The following ESR1 variants were observed in gnomAD, a reference collection of about 807,000 sequenced individuals.
The protein encoded by ESR1 is estrogen receptor 1.
Under a neutral mutation model 52.7 loss-of-function variants are expected in ESR1, and 12 were observed. That is an observed-to-expected ratio of 0.23 (90% CI 0.15 to 0.37). The LOEUF (loss-of-function observed/expected upper bound fraction) is 0.37, where lower values mean the gene tolerates loss of function less well. Among genes scored for constraint, ESR1 ranks in the 10% least tolerant of loss-of-function variants. ESR1 has a pLI of 1.00. For missense variants in ESR1, 584 were observed against 779.7 expected (o/e 0.75, Z 2.99); for synonymous variants, 305 against 316.8 (o/e 0.96, Z 0.39).
chr6:151,866,869 TAG>T (rs564947983), intron 2 of ESR1, among the ~76,000 whole-genome samples: 115 of 152,278 alleles, frequency 7.6e-4, no homozygotes, highest in African/African-American at 2.5e-3. Flanking sequence ...GGTCAAATAC[TAG>T]AAGGCTACAG....
Position 151,925,591 on chromosome 6 carries a change from G to A in ESR1, c.761-18582G>A, listed in dbSNP as rs560972264. On this transcript the variant is annotated intron_variant, in intron 3 of 7. Transcript: ENST00000206249. ...CATTGCACTCCAGTCTGGGCAACAA[G>A]AATGAAACTCCATCTCAAAATACAT... Among the ~76,000 whole-genome samples, 13 of 152,242 alleles carry A rather than the reference G, an allele frequency of 8.5e-5. No individual in the cohort carries two copies. In the East Asian group the frequency reaches 2.5e-3, roughly 29 times the overall value.
intron 4 of ESR1, among the ~76,000 whole-genome samples, chr6:151,989,678 T>C (rs1376579510): frequency 6.6e-6 from 1 of 152,086 alleles, no homozygotes; most frequent in African/African-American, 2.4e-5. Context: ...TATTATGACA[T>C]TGTTGTCCTC....
At chr6:151,779,434 A>G (rs1786318812) in intron 2 of ESR1, among the ~76,000 whole-genome samples, 2 of 152,230 alleles carry the variant, frequency 1.3e-5, no homozygotes. Context: ...AAACCTCATT[A>G]TCACTGGTCA....
chr6:152,064,055 C>G (rs908132666), intron 6 of ESR1, among the ~76,000 whole-genome samples: 11 of 152,228 alleles, frequency 7.2e-5, no homozygotes, highest in African/African-American at 2.7e-4. Context: ...GTCATCATTT[C>G]TGCCCCATTT....
intron 2 of ESR1, among the ~76,000 whole-genome samples, chr6:151,755,110 T>G (rs1784180294): frequency 6.6e-6 from 1 of 151,766 alleles, no homozygotes; most frequent in Non-Finnish European, 1.5e-5. Flanking sequence ...CTGGGGAGGC[T>G]GAGGCGGGAG....
chr6:151,967,189 T>C (rs1470530385), intron 4 of ESR1, among the ~76,000 whole-genome samples: 1 of 152,174 alleles, frequency 6.6e-6, no homozygotes, highest in African/African-American at 2.4e-5. Flanking sequence ...AATGATCTCT[T>C]TTTTTTAATT....
At chr6:152,116,846 A>G (rs2152514823) in intron 6 of ESR1, among the ~76,000 whole-genome samples, 1 of 152,284 alleles carries the variant, frequency 6.6e-6, no homozygotes, top group Non-Finnish European at 1.5e-5. Context: ...GGTAGATCTA[A>G]CCATTGACTA....
At chr6:151,837,825 A>G (rs1783615946) in intron 1 of ESR1, among the ~76,000 whole-genome samples, 2 of 152,166 alleles carry the variant, frequency 1.3e-5, no homozygotes, top group East Asian at 1.9e-4. Context: ...AGAATTTTAC[A>G]AGGAAGGAGG....
intron 2 of ESR1, among the ~76,000 whole-genome samples, chr6:151,712,240 A>C (rs553735019): frequency 6.6e-6 from 1 of 152,132 alleles, no homozygotes; most frequent in Non-Finnish European, 1.5e-5. Context: ...TGTTTTGGTT[A>C]CCGTAGCCTT....
At chr6:151,991,491 G>C (rs2041011425) in intron 4 of ESR1, among the ~76,000 whole-genome samples, 2 of 151,968 alleles carry the variant, frequency 1.3e-5, no homozygotes, top group Admixed American at 6.6e-5. Context: ...TACGGTTGAA[G>C]GAAAATTAGA....
intron 3 of ESR1, among the ~76,000 whole-genome samples, chr6:151,929,501 T>C (rs1244952843): frequency 6.6e-6 from 1 of 152,182 alleles, no homozygotes; most frequent in Non-Finnish European, 1.5e-5. Context: ...AATAAAGTAT[T>C]TTGCATGCTG....
At chr6:151,719,564 AG>A (rs1389004834) in intron 2 of ESR1, among the ~76,000 whole-genome samples, 1 of 152,206 alleles carries the variant, frequency 6.6e-6, no homozygotes, top group Non-Finnish European at 1.5e-5. Flanking sequence ...AAAAGATTGG[AG>A]GACTCAGGAG....
chr6:151,709,857 T>C (rs1780459716), intron 2 of ESR1, among the ~76,000 whole-genome samples: 1 of 151,868 alleles, frequency 6.6e-6, no homozygotes, highest in Non-Finnish European at 1.5e-5. Context: ...AATAAAATTT[T>C]TCTTCCTATA....
At position 152,094,605 on chromosome 6, in the gene ESR1, A is replaced by C. The variant is rs773989390; in HGVS notation, c.1553+37A>C. The stretch of plus-strand genomic sequence containing the variant: ...GTGGGCTTCCTACAGGAGAGACATA[A>C]AGAAAACATGCCCCCAAACCTATGT... On this transcript the variant is annotated intron_variant, in intron 7 of 7. Coordinates refer to ENST00000206249, the MANE Select transcript of ESR1 (RefSeq NM_000125.4). The surrounding 1 kb of genome is among the most constrained non-coding windows in gnomAD (Gnocchi z 4.6). 1 of 1,596,814 alleles carries C rather than the reference A, an allele frequency of 6.3e-7. No homozygotes were observed. Among genetic ancestry groups the C allele is most frequent in the Non-Finnish European group, 8.6e-7 (1 of 1,168,664 alleles).
At chr6:151,818,207 C>T (rs1011908490) in intron 1 of ESR1, among the ~76,000 whole-genome samples, 9 of 152,246 alleles carry the variant, frequency 5.9e-5, no homozygotes, top group African/African-American at 1.7e-4. Context: ...TCCTCAAGCC[C>T]GCTCATTTCC....
At chr6:151,725,641 A>G (rs1158048946) in intron 2 of ESR1, among the ~76,000 whole-genome samples, 2 of 152,334 alleles carry the variant, frequency 1.3e-5, no homozygotes, top group South Asian at 2.1e-4. Flanking sequence ...CCAAAGTGTC[A>G]TCTAATTTTT....
chr6:152,106,343 A>G (rs1460234651), downstream of ESR1, among the ~76,000 whole-genome samples: 1 of 152,216 alleles, frequency 6.6e-6, no homozygotes, highest in African/African-American at 2.4e-5. Flanking sequence ...GTATTTGCCA[A>G]TTCCAGTGTG....
rs539877107 is a variant in ESR1, at chr6:152,111,123, C to A, written c.851-14143C>A. Among the ~76,000 whole-genome samples the A allele has an allele frequency of 2.5e-3, 375 of 152,244 alleles. 1 individual carries two copies. Among genetic ancestry groups the A allele is most frequent in the Non-Finnish European group, 4.7e-3 (319 of 68,008 alleles). On this transcript the variant is annotated intron_variant, in intron 6 of 6. Coordinates refer to the ESR1 transcript ENST00000427531. ...ACAGTTTCTGGGGCAGGCTCACCCTCCCCCCGTTGCCACAAGACCATCTCA... is the reference window on the plus strand; with the variant it reads ...ACAGTTTCTGGGGCAGGCTCACCCTACCCCCGTTGCCACAAGACCATCTCA...
intron 2 of ESR1, among the ~76,000 whole-genome samples, chr6:151,709,581 A>G (rs1476286596): frequency 2.0e-5 from 3 of 151,998 alleles, no homozygotes; most frequent in African/African-American, 7.2e-5. Flanking sequence ...TCCCACTAAC[A>G]GTGTGCAAGG....
Sources: allele counts gnomAD v4.1 joint callset (sites outside exome capture counted in the v4.1 genomes callset), GRCh38; gene constraint gnomAD v4.1.1; non-coding constraint Gnocchi (gnomAD v3.1); transcripts MANE v1.5; gene names NCBI Gene and HGNC (gene_info 2026-07-23, HGNC 2026-07-21).